The following MYSM1 variants were observed in gnomAD, a reference collection of about 807,000 sequenced individuals.
MYSM1 encodes Myb like, SWIRM and MPN domains 1, also known as deubiquitinase MYSM1.
A neutral mutation model predicts 116.0 loss-of-function variants in MYSM1; 51 were observed. The ratio of observed to expected loss-of-function variants is 0.44; its 90% CI spans 0.35 to 0.56. MYSM1 has a LOEUF of 0.56. Ranked by LOEUF, MYSM1 falls within the 20% of genes least tolerant of loss-of-function variation. MYSM1 has a pLI of 0.00. For synonymous variants in MYSM1, 313 were observed against 315.2 expected (o/e 0.99, Z 0.07); for missense variants, 900 against 974.9 (o/e 0.92, Z 1.02).
Position 58,660,031 on chromosome 1 carries a change from G to A in MYSM1, c.2453C>T (p.Thr818Ile). Residue 818 changes from threonine to isoleucine, a missense_variant, in exon 20 of 20, where the codon ACC becomes ATC. Physicochemically the swap from Thr to Ile is moderately conservative, Grantham distance 89. Transcript: ENST00000472487. ...NYKSNQENGV[T>I]EENCTKELLM ...CAATTCCTTTGTACAGTTCTCTTCG[G>A]TTACTCCATTCTCTTGGTTGCTTTT... 1 of 1,603,982 alleles carries A rather than the reference G, an allele frequency of 6.2e-7. No homozygotes were observed. Among genetic ancestry groups the A allele is most frequent in the Non-Finnish European group, 8.5e-7 (1 of 1,174,764 alleles).
At position 58,659,016 on chromosome 1, in the gene MYSM1, A is replaced by G. The variant is rs889708993; in HGVS notation, c.*981T>C. ...ACACAAAGAAGAATGTCTCATAGAC[A>G]TCATATGTGGCCTGAAAAGCCAAAA... On this transcript the variant is annotated 3_prime_UTR_variant, in exon 20 of 20. Coordinates refer to ENST00000472487, the MANE Select transcript of MYSM1 (RefSeq NM_001085487.3). The G allele has an allele frequency of 2.1e-5, 3 of 144,284 alleles. No homozygotes were observed. Among genetic ancestry groups the G allele is most frequent in the African/African-American group, 7.6e-5 (3 of 39,724 alleles). The allele number at this position is 144,284 out of a possible 1,614,324, so 8.9% of individuals were successfully genotyped here.
intron 7 of MYSM1, among the ~76,000 whole-genome samples, 154 bp from the exon 8 acceptor site, chr1:58,682,699 CTT>C (rs768660432): frequency 6.7e-5 from 6 of 89,178 alleles, no homozygotes; most frequent in African/African-American, 3.3e-5. Flanking sequence ...TTTTTCTTTT[CTT>C]TTTTTTTTTT....
chr1:58,699,169 G>A lies in MYSM1; in HGVS notation c.68+816C>T, dbSNP rs1020491218. Among the ~76,000 whole-genome samples, 3 of 152,326 alleles carry A rather than the reference G, an allele frequency of 2.0e-5. No individual in the cohort carries two copies. In the East Asian group the frequency reaches 5.8e-4, roughly 29 times the overall value. On this transcript the variant is annotated intron_variant, in intron 1 of 19. Transcript: ENST00000472487. ...TCATTTTTGATTCAGAAAGCAAGGA[G>A]TCAAAGGAGGTTCTGTGTCAAATCA...
Position 58,659,243 on chromosome 1 carries a change from T to C in MYSM1, c.*754A>G, listed in dbSNP as rs1030476637. ...GTAGAAAAAAAGTTTGAGTTATGATTACCTATGTTCCAGTTAAATGAGGTT... is the reference window on the plus strand; with the variant it reads ...GTAGAAAAAAAGTTTGAGTTATGATCACCTATGTTCCAGTTAAATGAGGTT... On this transcript the variant is annotated 3_prime_UTR_variant, in exon 20 of 20. Transcript: ENST00000472487. 6.6e-6 allele frequency: 1 copy of C among 152,196 alleles called. No homozygotes were observed. The highest frequency in any genetic ancestry group is 2.1e-4 in the South Asian group (1 of 4,832). The allele number at this position is 152,196 out of a possible 1,614,324, so 9.4% of individuals were successfully genotyped here.
chr1:58,682,479 C>T lies in MYSM1; in HGVS notation c.565G>A (p.Glu189Lys), dbSNP rs1459836977. 10 of 1,613,764 alleles carry T rather than the reference C, an allele frequency of 6.2e-6. No individual in the cohort carries two copies. The African/African-American group carries it at 1.1e-4, about 17-fold the overall frequency. The change falls in exon 8 of 20, where the codon GAA (glutamate) becomes AAA (lysine). Residue 189 changes from glutamate (E) to lysine (K), a missense_variant. By Grantham distance (56) the Glu-to-Lys change is moderately conservative. Transcript: ENST00000472487. Reference protein sequence around the residue: ...KTGHNLQVKNEDKGTKAWTPS... With the variant: ...KTGHNLQVKNKDKGTKAWTPS... The stretch of plus-strand genomic sequence containing the variant: ...GTCCATGCCTTTGTCCCTTTATCTT[C>T]ATTTTTAACTTGAAGATTATGGCCG...
intron 6 of MYSM1, 119 bp downstream of exon 6, chr1:58,688,919 G>T: frequency 1.3e-6 from 1 of 784,548 alleles, no homozygotes; most frequent in Non-Finnish European, 2.0e-6. Flanking sequence ...AGAACTAAAG[G>T]TGTTAAAACT....
rs1644392494 is a variant in MYSM1, at chr1:58,661,552, T to G, written c.2165-41A>C. 4 of 1,116,788 alleles carry G rather than the reference T, an allele frequency of 3.6e-6. No homozygotes were observed. The Admixed American group carries it at 7.9e-5, about 22-fold the overall frequency. The allele number at this position is 1,116,788 out of a possible 1,614,324, so 69.2% of individuals were successfully genotyped here. A position where few individuals can be genotyped will look rare whatever the true frequency, so the allele number is the denominator to read the frequency against. ...GAAGCACATTGTCATCAACTATTTCTTAACTCTCCAATCTCCTTTTAATTA... is the reference window on the plus strand; with the variant it reads ...GAAGCACATTGTCATCAACTATTTCGTAACTCTCCAATCTCCTTTTAATTA... On this transcript the variant is annotated intron_variant, in intron 17 of 19. Coordinates refer to ENST00000472487, the MANE Select transcript of MYSM1 (RefSeq NM_001085487.3).
rs560390293 is a variant in MYSM1, at chr1:58,697,591, A to AT, written c.69-2385dup. Among the ~76,000 whole-genome samples the AT allele has an allele frequency of 8.9e-4, 128 of 144,126 alleles. 1 individual carries two copies. The highest frequency in any genetic ancestry group is 1.8e-3 in the South Asian group (8 of 4,404). 94.6% of individuals were successfully genotyped at this position (144,126 alleles called of 152,430 possible). On this transcript the variant is annotated intron_variant, in intron 1 of 19. Transcript: ENST00000472487. ...GAAGTAGAAGAGAAACCAAAAAAAA[A>AT]TTTTTTTTTTTTTTTGAGATGGCGT...
At chr1:58,686,279 A>T (rs566884278) in intron 6 of MYSM1, among the ~76,000 whole-genome samples, 2 of 152,328 alleles carry the variant, frequency 1.3e-5, no homozygotes, top group South Asian at 4.1e-4. Context: ...GGAACACATA[A>T]TTTGACAGCT....
intron 12 of MYSM1, among the ~76,000 whole-genome samples, chr1:58,669,597 T>C (rs1209632205): frequency 6.6e-6 from 1 of 151,554 alleles, no homozygotes; most frequent in East Asian, 1.9e-4. Flanking sequence ...GAGGCCGAGG[T>C]GGGCAGACCC....
chr1:58,687,721 C>T (rs1049522073), intron 6 of MYSM1, among the ~76,000 whole-genome samples: 6 of 152,258 alleles, frequency 3.9e-5, no homozygotes, highest in Admixed American at 1.3e-4. Flanking sequence ...AACGACATCC[C>T]GCCGGAACAA....
intron 2 of MYSM1, among the ~76,000 whole-genome samples, chr1:58,694,449 C>T (rs1336908886): frequency 3.3e-5 from 5 of 151,968 alleles, no homozygotes; most frequent in African/African-American, 9.7e-5. Flanking sequence ...GGTGAAACCC[C>T]GCCTCTATGA....
At chr1:58,683,954 G>A (rs1644786372) in intron 7 of MYSM1, among the ~76,000 whole-genome samples, 1 of 151,972 alleles carries the variant, frequency 6.6e-6, no homozygotes, top group African/African-American at 2.4e-5. Flanking sequence ...GAGTAAAACT[G>A]GCACTCCAAG....
chr1:58,689,083 T>G lies in MYSM1; in HGVS notation c.354A>C (p.Ser118=). ...VHSPTKPASY[S]VKWTIEEKEL... ...CTTTTTCTTCTATCGTCCACTTTAC[T>G]GAGTAACTGGCTGGTTTTGTAGGAG... The change falls in exon 6 of 20, where the codon TCA becomes TCC. Residue 118 remains serine (S), a synonymous_variant. Coordinates refer to ENST00000472487, the MANE Select transcript of MYSM1 (RefSeq NM_001085487.3). The G allele has an allele frequency of 6.2e-7, 1 of 1,611,784 alleles. No individual in the cohort carries two copies.
chr1:58,657,129 A>T lies in MYSM1; in HGVS notation c.*2868T>A, dbSNP rs1163890442. On this transcript the variant is annotated 3_prime_UTR_variant, in exon 20 of 20. Coordinates refer to ENST00000472487, the MANE Select transcript of MYSM1 (RefSeq NM_001085487.3). ...TAAAATAATGGAGATGGAGAGTCTGAGCTTACTGATCCTGTTCCACTGGTT... is the reference window on the plus strand; with the variant it reads ...TAAAATAATGGAGATGGAGAGTCTGTGCTTACTGATCCTGTTCCACTGGTT... The T allele has an allele frequency of 2.6e-5, 4 of 151,992 alleles. No homozygotes were observed. The highest frequency in any genetic ancestry group is 9.7e-5 in the African/African-American group (4 of 41,380). 9.4% of individuals were successfully genotyped at this position (151,992 alleles called of 1,614,324 possible). A position where few individuals can be genotyped will look rare whatever the true frequency, so the allele number is the denominator to read the frequency against.
At chr1:58,672,838 G>T (rs1644584067) in intron 11 of MYSM1, among the ~76,000 whole-genome samples, 1 of 152,072 alleles carries the variant, frequency 6.6e-6, no homozygotes, top group African/African-American at 2.4e-5. Context: ...CATAGGTTTT[G>T]TCTTTCCTAT....
rs1169504250 is a variant in MYSM1, at chr1:58,659,109, T to C, written c.*888A>G. ...CTCCATTATAGATTCAGAAAGCATATGAAACTGGGCTGAATATGTAACATG... is the reference window on the plus strand; with the variant it reads ...CTCCATTATAGATTCAGAAAGCATACGAAACTGGGCTGAATATGTAACATG... On this transcript the variant is annotated 3_prime_UTR_variant, in exon 20 of 20. Coordinates refer to ENST00000472487, the MANE Select transcript of MYSM1 (RefSeq NM_001085487.3). 7.7e-6 allele frequency: 1 copy of C among 130,260 alleles called. No individual in the cohort carries two copies. The highest frequency in any genetic ancestry group is 2.7e-5 in the African/African-American group (1 of 37,618). The allele number at this position is 130,260 out of a possible 1,614,324, so 8.1% of individuals were successfully genotyped here.
Position 58,695,195 on chromosome 1 carries a change from A to G in MYSM1, c.81T>C (p.Asn27=), listed in dbSNP as rs1644957286. ...AAGAQPGSGE[N]TASVLQKDHY... Reference sequence around the variant, plus strand: ...GATCTTTTTGTAAAACTGATGCTGTATTTTCACCACTTCTGTAATAATTAA... The same window carrying G: ...GATCTTTTTGTAAAACTGATGCTGTGTTTTCACCACTTCTGTAATAATTAA... Residue 27 remains asparagine (N), a synonymous_variant, in exon 2 of 20, where the codon AAT becomes AAC. Transcript: ENST00000472487. The G allele has an allele frequency of 6.3e-7, 1 of 1,598,402 alleles. No homozygotes were observed. The highest frequency in any genetic ancestry group is 2.2e-5 in the East Asian group (1 of 44,716).
chr1:58,676,788 C>A, intron 9 of MYSM1, 138 bp downstream of exon 9: 1 of 814,174 alleles, frequency 1.2e-6, no homozygotes, highest in South Asian at 2.1e-5. Flanking sequence ...CTTAATAAAA[C>A]ATTTATTAAA....
Sources: allele counts gnomAD v4.1 joint callset (sites outside exome capture counted in the v4.1 genomes callset), GRCh38; gene constraint gnomAD v4.1.1; transcripts MANE v1.5; gene names NCBI Gene and HGNC (gene_info 2026-07-23, HGNC 2026-07-21).